PHRF1: variants seen among roughly 807,000 people sequenced by gnomAD.
PHRF1 encodes the protein PHD and RING finger domain-containing protein 1.
A neutral mutation model predicts 128.9 loss-of-function variants in PHRF1; 53 were observed. The ratio of observed to expected loss-of-function variants is 0.41; its 90% confidence interval spans 0.33 to 0.52. The LOEUF is 0.52. Among genes scored for constraint, PHRF1 ranks in the 20% least tolerant of loss-of-function variants. PHRF1 has a pLI of 0.21. For missense variants in PHRF1, 2,503 were observed against 2,284.5 expected, an observed-to-expected ratio of 1.10 and a Z score of -1.95; for synonymous variants, 1,178 against 980.6, an observed-to-expected ratio of 1.20 and a Z score of -3.76.
At chr11:606,992 T>C (rs1366270861) in intron 13 of PHRF1, 74 bp from the exon 14 acceptor site, 1 of 1,512,322 alleles carries the variant, frequency 6.6e-7, no homozygotes, top group African/African-American at 1.4e-5. Flanking sequence ...AAACCAGTTG[T>C]GATAAAAATT....
At chr11:585,680 C>CTTTT (rs1212904400) in intron 3 of PHRF1, among the ~76,000 whole-genome samples, 1 of 70,354 alleles carries the variant, frequency 1.4e-5, no homozygotes, top group African/African-American at 7.4e-5. Context: ...CTCTTCAACT[C>CTTTT]TTTTTTTTTT....
rs775557326 is a variant in PHRF1 at position 581,540 on chromosome 11, G to C, written c.28G>C (p.Val10Leu). Residue 10 changes from valine (V) to leucine (L), a missense_variant, in exon 2 of 18, where the codon GTG becomes CTG. Physicochemically the swap from Val to Leu is conservative, Grantham distance 32. Coordinates refer to ENST00000264555, the MANE Select transcript of PHRF1 (RefSeq NM_001286581.2). MDDDSLDEL[V>L]ARSPGPDGHP... Reference sequence around the variant, plus strand: ...GGATGACGACAGCCTGGATGAGCTTGTGGCCCGGAGCCCAGGGCCGGATGG... The same window carrying C: ...GGATGACGACAGCCTGGATGAGCTTCTGGCCCGGAGCCCAGGGCCGGATGG... The C allele has an allele frequency of 4.3e-6, 7 of 1,613,606 alleles. No homozygotes were observed. Among genetic ancestry groups the C allele is most frequent in the Non-Finnish European group, 5.9e-6 (7 of 1,179,882 alleles).
intron 10 of PHRF1, among the ~76,000 whole-genome samples, chr11:604,305 C>T (rs1253496824): frequency 1.3e-5 from 2 of 152,212 alleles, no homozygotes; most frequent in Admixed American, 6.5e-5. Context: ...AGCCTGGGGG[C>T]CCGATGGCAC....
intron 6 of PHRF1, among the ~76,000 whole-genome samples, chr11:593,855 T>G (rs1002268683): frequency 2.0e-5 from 3 of 152,184 alleles, no homozygotes; most frequent in Non-Finnish European, 2.9e-5. Flanking sequence ...GTCCCTCCTT[T>G]CTCACGAGTC....
rs1016193932 is a variant in PHRF1 at position 608,280 on chromosome 11, G to A, written c.2824G>A (p.Asp942Asn). 3.1e-6 allele frequency: 5 copies of A among 1,609,798 alleles called. No individual in the cohort carries two copies. The highest frequency in any genetic ancestry group is 2.7e-5 in the African/African-American group (2 of 74,898). ...LRRPSPPEPW[D>N]EEDGASCSTF... ...GAGGCCATCCCCCCCAGAGCCCTGG[G>A]ATGAGGAGGATGGGGCGTCTTGCAG... Residue 942 changes from aspartate to asparagine, a missense_variant, in exon 14 of 18, where the codon GAT becomes AAT. Asp to Asn is a conservative substitution (Grantham distance 23). Transcript: ENST00000264555.
chr11:605,754 T>G (rs760921618), intron 12 of PHRF1, 30 bp downstream of exon 12: 2 of 1,586,334 alleles, frequency 1.3e-6, no homozygotes, highest in Admixed American at 3.6e-5. Context: ...TCTGGGGAGG[T>G]GGGGGCAGCA....
At chr11:593,333 AGT>A (rs1428850932) in intron 6 of PHRF1, among the ~76,000 whole-genome samples, 1 of 152,402 alleles carries the variant, frequency 6.6e-6, no homozygotes, top group East Asian at 1.9e-4. Context: ...TGAAAGAACC[AGT>A]GAGGCTGCTC....
chr11:596,858 A>C (rs1049522835), intron 6 of PHRF1, 65 bp from the exon 7 acceptor site: 1 of 1,446,050 alleles, frequency 6.9e-7, no homozygotes. Context: ...TGGTCCCCTC[A>C]CTTGAGGAGG....
At chr11:599,131 C>T (rs1006461431) in intron 9 of PHRF1, among the ~76,000 whole-genome samples, 5 of 152,046 alleles carry the variant, frequency 3.3e-5, no homozygotes, top group African/African-American at 9.7e-5. Flanking sequence ...CCCTTTCCCT[C>T]GTGGGGATTT....
chr11:577,061 C>A (rs922320298), intron 1 of PHRF1, among the ~76,000 whole-genome samples: 1 of 152,224 alleles, frequency 6.6e-6, no homozygotes, highest in African/African-American at 2.4e-5. Context: ...ACTTCGTTGC[C>A]TTGTGTCCGG....
rs777964508 is a variant in PHRF1 at position 608,923 on chromosome 11, G to C, written c.3467G>C (p.Arg1156Pro). The C allele has an allele frequency of 3.7e-6, 6 of 1,612,016 alleles. No individual in the cohort carries two copies. The highest frequency in any genetic ancestry group is 5.1e-6 in the Non-Finnish European group (6 of 1,179,714). ...PDRKESVAWP[R>P]DRRKRRSRSP... is the part of the protein sequence containing the mutation. Reference sequence around the variant, plus strand: ...AGGAAGGAGAGTGTGGCGTGGCCCCGAGACCGGAGGAAGCGGAGGTCCCGG... The same window carrying C: ...AGGAAGGAGAGTGTGGCGTGGCCCCCAGACCGGAGGAAGCGGAGGTCCCGG... The change falls in exon 14 of 18, where the codon CGA becomes CCA. Residue 1156 changes from arginine to proline, a missense_variant. Physicochemically the swap from Arg to Pro is moderately radical, Grantham distance 103. Coordinates refer to ENST00000264555, the MANE Select transcript of PHRF1 (RefSeq NM_001286581.2).
chr11:604,859 C>A (rs1468162296), intron 10 of PHRF1, among the ~76,000 whole-genome samples: 1 of 152,178 alleles, frequency 6.6e-6, no homozygotes, highest in African/African-American at 2.4e-5. Flanking sequence ...TGTGAGTTTT[C>A]ACTTAATGCT....
rs1191690357 is a variant in PHRF1 at position 610,941 on chromosome 11, A to G, written c.4678-13A>G. The G allele has an allele frequency of 1.2e-5, 20 of 1,612,086 alleles. No individual in the cohort carries two copies. Among genetic ancestry groups the G allele is most frequent in the Non-Finnish European group, 1.7e-5 (20 of 1,179,316 alleles). ...CTCCCTTCCTGGCCGCATCACACAC[A>G]TGTCCCCTCTAGTACATGAAGAAGC... is the stretch of plus-strand genomic sequence containing the variant. On this transcript the variant is annotated splice_polypyrimidine_tract_variant and intron_variant, in intron 16 of 17. Transcript: ENST00000264555.
chr11:588,749 A>G (rs1854743635), intron 4 of PHRF1, among the ~76,000 whole-genome samples: 1 of 152,120 alleles, frequency 6.6e-6, no homozygotes, highest in Non-Finnish European at 1.5e-5. Context: ...TTGAGGAACA[A>G]GATACAGTGT....
intron 6 of PHRF1, among the ~76,000 whole-genome samples, chr11:594,879 G>C (rs1855190875): frequency 7.1e-6 from 1 of 140,736 alleles, no homozygotes. Flanking sequence ...TACACTACTT[G>C]AATTACTTGG....
rs1044110348 is a variant in PHRF1 at position 588,120 on chromosome 11, C to T, written c.420+656C>T. 2.6e-5 allele frequency among the ~76,000 whole-genome samples: 4 copies of T among 152,294 alleles called. No homozygotes were observed. The East Asian group carries it at 7.7e-4, about 29-fold the overall frequency. The stretch of plus-strand genomic sequence containing the variant: ...ACTCCCTCCCCTCCCTGCGATTGCA[C>T]CAGCAGCCCGTGCTGTCCCCGGCTC... On this transcript the variant is annotated intron_variant, in intron 4 of 17. Coordinates refer to ENST00000264555, the MANE Select transcript of PHRF1 (RefSeq NM_001286581.2).
At position 611,521 on chromosome 11, in the gene PHRF1, C is replaced by T. The variant is rs548076994; in HGVS notation, c.4807-113C>T. On this transcript the variant is annotated intron_variant, in intron 17 of 17. Coordinates refer to ENST00000264555, the MANE Select transcript of PHRF1 (RefSeq NM_001286581.2). ...TGCCGCCGTCTGTCTGCGTGCTGCA[C>T]CTAGGGCCTGCTCCTGAGCAGGGCA... 24 of 1,475,706 alleles carry T rather than the reference C, an allele frequency of 1.6e-5. No homozygotes were observed. The East Asian group carries it at 2.1e-4, about 13-fold the overall frequency. The allele number at this position is 1,475,706 out of a possible 1,614,324, so 91.4% of individuals were successfully genotyped here. A position where few individuals can be genotyped will look rare whatever the true frequency, so the allele number is the denominator to read the frequency against.
chr11:591,599 A>G lies in PHRF1; in HGVS notation c.504+132A>G, dbSNP rs1284828801. The G allele has an allele frequency of 1.8e-5, 14 of 781,990 alleles. No individual in the cohort carries two copies. The East Asian group carries it at 4.5e-4, about 25-fold the overall frequency. The allele number at this position is 781,990 out of a possible 1,614,324, so 48.4% of individuals were successfully genotyped here. A position where few individuals can be genotyped will look rare whatever the true frequency, so the allele number is the denominator to read the frequency against. On this transcript the variant is annotated intron_variant, in intron 5 of 17. Coordinates refer to ENST00000264555, the MANE Select transcript of PHRF1 (RefSeq NM_001286581.2). ...TTAAATGCTTCATAGAAATCAACTC[A>G]AGTGCCCCTTGTGGCCATGAGCCCT... is the stretch of plus-strand genomic sequence containing the variant.
At chr11:605,795 G>C in intron 12 of PHRF1, 71 bp downstream of exon 12, 1 of 1,512,384 alleles carries the variant, frequency 6.6e-7, no homozygotes, top group Non-Finnish European at 8.8e-7. Flanking sequence ...TCTAGGGTGG[G>C]GCCGTGATAG....
Sources: gnomAD v4.1 joint callset for allele counts (sites outside exome capture counted in the v4.1 genomes callset) on GRCh38, gnomAD v4.1.1 for gene constraint, MANE v1.5 for transcripts, NCBI Gene and HGNC (gene_info 2026-07-23, HGNC 2026-07-21) for gene names.